MYO16: variants seen among roughly 807,000 people sequenced by gnomAD.
The protein encoded by MYO16 is myosin XVI, also known as unconventional myosin-XVI.
MYO16 carries 94 observed loss-of-function variants against 205.3 expected under a neutral mutation model. That is an observed-to-expected ratio of 0.46 (90% confidence interval 0.39 to 0.54). The LOEUF is 0.54. Among genes scored for constraint, MYO16 ranks in the 20% least tolerant of loss-of-function variants. The pLI is 0.00. For missense variants in MYO16, 2,315 were observed against 2,387.5 expected (o/e 0.97, Z 0.63); for synonymous variants, 988 against 954.0 (o/e 1.04, Z -0.66).
intron 1 of MYO16, among the ~76,000 whole-genome samples, chr13:108,606,773 C>A (rs1278290636): frequency 6.6e-6 from 1 of 152,134 alleles, no homozygotes; most frequent in Non-Finnish European, 1.5e-5. Flanking sequence ...ATGGTAGATC[C>A]ACCTACAGCT....
rs201341139 is a variant in MYO16 at position 109,127,540 on chromosome 13, G to A, written c.4041G>A (p.Ala1347=). 12 of 1,609,912 alleles carry A rather than the reference G, an allele frequency of 7.5e-6. No homozygotes were observed. The highest frequency in any genetic ancestry group is 1.6e-4 in the Middle Eastern group (1 of 6,082). ...VSACLSAARE[A]ANEALARPRP... is the part of the protein sequence containing the mutation. ...CCTGCCTCTCCGCGGCCAGGGAAGC[G>A]GCCAACGAAGGTCAGCCCTGGGGAG... The change falls in exon 31 of 35, where the codon GCG becomes GCA. Residue 1347 remains alanine, a synonymous_variant. Coordinates refer to ENST00000457511, the MANE Select transcript of MYO16 (RefSeq NM_001198950.3). This position sits in a 1 kb window ranked among gnomAD's most constrained non-coding sequence, Gnocchi z 4.2.
intron 27 of MYO16, among the ~76,000 whole-genome samples, chr13:109,088,110 G>A (rs978256211): frequency 2.0e-5 from 3 of 152,176 alleles, no homozygotes; most frequent in Non-Finnish European, 4.4e-5. Context: ...CTCTGCCTGC[G>A]ACCATTATTT....
At chr13:108,908,170 T>C (rs1881081236) in intron 15 of MYO16, among the ~76,000 whole-genome samples, 1 of 152,192 alleles carries the variant, frequency 6.6e-6, no homozygotes, top group African/African-American at 2.4e-5. Flanking sequence ...CACTGAGGTT[T>C]ACTGCTAATT....
At chr13:108,578,967 T>C in the MYO16 span, among the ~76,000 whole-genome samples, 2 of 151,138 alleles carry the variant, frequency 1.3e-5, no homozygotes, top group Admixed American at 6.6e-5. Flanking sequence ...TACAGTTATA[T>C]GCGAGCGTCA....
intron 6 of MYO16, among the ~76,000 whole-genome samples, chr13:108,805,399 T>C (rs1887083174): frequency 6.6e-6 from 1 of 152,158 alleles, no homozygotes; most frequent in Non-Finnish European, 1.5e-5. Context: ...GCTATAAAAA[T>C]AAATGTTTTT....
At chr13:108,700,009 G>A (rs997257884) in intron 2 of MYO16, among the ~76,000 whole-genome samples, 2 of 152,020 alleles carry the variant, frequency 1.3e-5, no homozygotes, top group South Asian at 4.1e-4. Flanking sequence ...CAGGACTTTG[G>A]AGATTAATCA....
At chr13:108,962,231 A>C (rs1883616359) in intron 18 of MYO16, among the ~76,000 whole-genome samples, 193 bp from the exon 19 acceptor site, 1 of 152,188 alleles carries the variant, frequency 6.6e-6, no homozygotes, top group Non-Finnish European at 1.5e-5. Flanking sequence ...AACTGTAAGA[A>C]CTCATTAATA....
At position 108,629,831 on chromosome 13, in the gene MYO16, T is replaced by G. The variant is rs1879894911; in HGVS notation, c.-14T>G. ...GCTGGAACCCGTAGCAAGATTCCTG[T>G]CTGAGATGGAAAGATGTCTCACTAT... On this transcript the variant is annotated 5_prime_UTR_variant, in exon 1 of 35. Coordinates refer to ENST00000457511, the MANE Select transcript of MYO16 (RefSeq NM_001198950.3). The G allele has an allele frequency of 6.5e-7, 1 of 1,528,400 alleles. No homozygotes were observed. The highest frequency in any genetic ancestry group is 1.4e-5 in the African/African-American group (1 of 72,992). 94.7% of individuals were successfully genotyped at this position (1,528,400 alleles called of 1,614,324 possible). A position where few individuals can be genotyped will look rare whatever the true frequency, so the allele number is the denominator to read the frequency against.
At chr13:108,869,919 T>C (rs1001714837) in intron 12 of MYO16, among the ~76,000 whole-genome samples, 2 of 151,454 alleles carry the variant, frequency 1.3e-5, no homozygotes, top group Non-Finnish European at 2.9e-5. Flanking sequence ...ATTATTAATC[T>C]GTTCTTATGT....
intron 4 of MYO16, among the ~76,000 whole-genome samples, chr13:108,774,488 C>T (rs972053779): frequency 1.3e-5 from 2 of 152,086 alleles, no homozygotes; most frequent in African/African-American, 2.4e-5. Context: ...TGAGGGGTTG[C>T]ATTGATTTTG....
chr13:108,915,347 C>T lies in MYO16; in HGVS notation c.1925+5197C>T, dbSNP rs7993751. ...ATGGCGAGCTCTCCATAAAGTCAGA[C>T]GAGAAAAACAAAACAAAACAAAAAT... On this transcript the variant is annotated intron_variant, in intron 16 of 34. Transcript: ENST00000457511. 8.5e-3 allele frequency among the ~76,000 whole-genome samples: 1,289 copies of T among 151,998 alleles called. 15 individuals are homozygous for T. The highest frequency in any genetic ancestry group is 0.029 in the African/African-American group (1,222 of 41,434).
chr13:108,693,032 C>T (rs1882959126), intron 2 of MYO16, among the ~76,000 whole-genome samples: 2 of 152,002 alleles, frequency 1.3e-5, no homozygotes, highest in African/African-American at 4.8e-5. Flanking sequence ...CTTAATTATC[C>T]CCAAAGTTGC....
Position 109,127,402 on chromosome 13 carries a change from G to A in MYO16, c.3903G>A (p.Ser1301=), listed in dbSNP as rs764838918. 2.5e-6 allele frequency: 4 copies of A among 1,613,960 alleles called. No individual in the cohort carries two copies. The highest frequency in any genetic ancestry group is 1.1e-5 in the South Asian group (1 of 91,048). ...CCATCTGGTCTCCTTCGCTGCACTC[G>A]GTGTTCAGCATGGATGACAGCAGCA... ...GPSIWSPSLH[S]VFSMDDSSSL... Residue 1301 remains serine (S), a synonymous_variant, in exon 31 of 35, where the codon TCG becomes TCA. Transcript: ENST00000457511. The surrounding 1 kb of genome is among the most constrained non-coding windows in gnomAD (Gnocchi z 4.2).
chr13:108,741,315 A>C (rs1884903345), intron 4 of MYO16, among the ~76,000 whole-genome samples: 1 of 152,204 alleles, frequency 6.6e-6, no homozygotes, highest in Non-Finnish European at 1.5e-5. Context: ...TGAACTCATT[A>C]AGTGAGTGCT....
At chr13:108,754,866 G>A (rs1313269727) in intron 4 of MYO16, among the ~76,000 whole-genome samples, 1 of 152,090 alleles carries the variant, frequency 6.6e-6, no homozygotes, top group Non-Finnish European at 1.5e-5. Flanking sequence ...TGCAATTTTA[G>A]TGAAGAATAA....
chr13:108,848,260 TA>T (rs1490844692), intron 10 of MYO16, among the ~76,000 whole-genome samples: 1 of 152,230 alleles, frequency 6.6e-6, no homozygotes, highest in African/African-American at 2.4e-5. Context: ...GGATCTGTTC[TA>T]AATTCATGTA....
At chr13:108,911,147 T>C (rs1043482486) in intron 16 of MYO16, among the ~76,000 whole-genome samples, 1 of 151,592 alleles carries the variant, frequency 6.6e-6, no homozygotes, top group Non-Finnish European at 1.5e-5. Context: ...AGAGAACAAA[T>C]TGGCGGGGGG....
At chr13:108,932,735 G>A (rs1050249141) in intron 16 of MYO16, among the ~76,000 whole-genome samples, 1 of 152,164 alleles carries the variant, frequency 6.6e-6, no homozygotes, top group Admixed American at 6.5e-5. Flanking sequence ...CACTGAGATA[G>A]TGACTTTTTG....
At chr13:108,507,380 T>G in the MYO16 span, among the ~76,000 whole-genome samples, 1 of 152,280 alleles carries the variant, frequency 6.6e-6, no homozygotes, top group East Asian at 1.9e-4. Context: ...GAAGGGCAGT[T>G]TTGCCACATA....
Sources: gnomAD v4.1 joint callset for allele counts (sites outside exome capture counted in the v4.1 genomes callset) on GRCh38, gnomAD v4.1.1 for gene constraint, Gnocchi (gnomAD v3.1) non-coding constraint, MANE v1.5 for transcripts, NCBI Gene and HGNC (gene_info 2026-07-23, HGNC 2026-07-21) for gene names.